Variants in MRTFA observed in about 807,000 individuals in gnomAD.
MRTFA encodes myocardin related transcription factor A, also known as myocardin-related transcription factor A.
MRTFA carries 20 observed loss-of-function variants against 83.5 expected under a neutral mutation model. That is an observed-to-expected ratio of 0.24 (90% CI 0.17 to 0.35). The LOEUF (loss-of-function observed/expected upper bound fraction) is 0.35. Ranked by LOEUF, MRTFA falls within the 10% of genes least tolerant of loss-of-function variation. The pLI, the probability that MRTFA is intolerant of heterozygous loss-of-function variation, is 1.00. For missense variants in MRTFA, 1,200 were observed against 1,224.7 expected (o/e 0.98, Z 0.30); for synonymous variants, 659 against 541.2 (o/e 1.22, Z -3.02).
At chr22:40,441,134 G>T (rs1223937333) in intron 4 of MRTFA, among the ~76,000 whole-genome samples, 2 of 152,230 alleles carry the variant, frequency 1.3e-5, no homozygotes, top group African/African-American at 4.8e-5. Flanking sequence ...CAATATCAGA[G>T]GGTAGTTCTC....
Position 40,511,802 on chromosome 22 carries a change from A to C in MRTFA, c.241+40304T>G, listed in dbSNP as rs370584651. Among the ~76,000 whole-genome samples, 155 of 152,342 alleles carry C rather than the reference A, an allele frequency of 1.0e-3. 3 individuals are homozygous for C. The Middle Eastern group carries it at 0.01, about 10-fold the overall frequency. Reference sequence around the variant, plus strand: ...GCAGCAGTGGCAGAGAAGGTCCAGCAAGCAGTGCTAGAGAGAGTCCTCAGC... The same window carrying C: ...GCAGCAGTGGCAGAGAAGGTCCAGCCAGCAGTGCTAGAGAGAGTCCTCAGC... On this transcript the variant is annotated intron_variant, in intron 3 of 14. Coordinates refer to ENST00000355630, the MANE Select transcript of MRTFA (RefSeq NM_020831.6).
Position 40,632,187 on chromosome 22 carries a change from C to T in MRTFA, c.-84+4291G>A, listed in dbSNP as rs139092242. 1.6e-3 allele frequency among the ~76,000 whole-genome samples: 249 copies of T among 152,332 alleles called. 1 individual carries two copies. Among genetic ancestry groups the T allele is most frequent in the African/African-American group, 5.6e-3 (233 of 41,584 alleles). ...AGGAATTGAGATCTCCCACCAACAGCCTGCACCAACCTGCCAGCAATATGA... is the reference window on the plus strand; with the variant it reads ...AGGAATTGAGATCTCCCACCAACAGTCTGCACCAACCTGCCAGCAATATGA... On this transcript the variant is annotated intron_variant, in intron 1 of 14. Coordinates refer to ENST00000355630, the MANE Select transcript of MRTFA (RefSeq NM_020831.6).
intron 9 of MRTFA, 104 bp downstream of exon 9, chr22:40,423,432 A>G (rs923308988): frequency 1.8e-6 from 2 of 1,089,510 alleles, no homozygotes; most frequent in African/African-American, 3.2e-5. Flanking sequence ...GGGAGAAGAC[A>G]CGCACCACAC....
chr22:40,629,988 A>G (rs983791525), intron 1 of MRTFA, among the ~76,000 whole-genome samples: 4 of 151,892 alleles, frequency 2.6e-5, no homozygotes, highest in African/African-American at 9.7e-5. Context: ...GCTGAGTTTG[A>G]GGGACAAGGT....
chr22:40,533,067 T>C (rs149568471), intron 3 of MRTFA, among the ~76,000 whole-genome samples: 1 of 152,342 alleles, frequency 6.6e-6, no homozygotes, highest in East Asian at 1.9e-4. Flanking sequence ...ACTGACTCTT[T>C]GCTCAAACTT....
chr22:40,547,108 C>CT (rs1258163612), intron 3 of MRTFA, among the ~76,000 whole-genome samples: 1 of 151,922 alleles, frequency 6.6e-6, no homozygotes, highest in African/African-American at 2.4e-5. Flanking sequence ...TGAGCCGAGA[C>CT]TGTGCCACTG....
intron 11 of MRTFA, 31 bp from the exon 12 acceptor site, chr22:40,419,415 G>C (rs1417129011): frequency 1.9e-6 from 3 of 1,603,492 alleles, no homozygotes; most frequent in Admixed American, 1.7e-5. Flanking sequence ...AGGGAGGCCA[G>C]GGGCAGCTGG....
chr22:40,456,761 AC>A (rs1454662008), intron 4 of MRTFA, among the ~76,000 whole-genome samples: 2 of 152,160 alleles, frequency 1.3e-5, no homozygotes, highest in African/African-American at 4.8e-5. Flanking sequence ...CATTACTGTT[AC>A]TGTATCGGCT....
chr22:40,449,734 A>G (rs188653569), intron 4 of MRTFA, among the ~76,000 whole-genome samples: 338 of 152,350 alleles, frequency 2.2e-3, no homozygotes, highest in South Asian at 0.017. Context: ...CAAAATGTCA[A>G]TTCTGTTGGC....
At chr22:40,449,260 C>T (rs912233706) in intron 4 of MRTFA, among the ~76,000 whole-genome samples, 12 of 139,454 alleles carry the variant, frequency 8.6e-5, no homozygotes, top group African/African-American at 2.4e-4. Context: ...GAACGAGACT[C>T]GGTCTCCAAA....
intron 4 of MRTFA, among the ~76,000 whole-genome samples, chr22:40,459,792 C>T (rs1403294218): frequency 5.6e-5 from 6 of 106,770 alleles, no homozygotes; most frequent in African/African-American, 1.2e-4. Flanking sequence ...TACACACACA[C>T]ACACACACAC....
At chr22:40,540,520 T>G (rs189540312) in intron 3 of MRTFA, among the ~76,000 whole-genome samples, 1 of 152,080 alleles carries the variant, frequency 6.6e-6, no homozygotes, top group Non-Finnish European at 1.5e-5. Context: ...GGCAGCGCGG[T>G]GGCTCAAACC....
chr22:40,601,464 C>G (rs771389235), intron 1 of MRTFA, among the ~76,000 whole-genome samples: 1 of 152,192 alleles, frequency 6.6e-6, no homozygotes, highest in African/African-American at 2.4e-5. Context: ...CTGCCTTGAC[C>G]TCCTAAAGTG....
intron 12 of MRTFA, 35 bp from the exon 13 acceptor site, chr22:40,417,528 G>A (rs1002102684): frequency 1.5e-6 from 2 of 1,363,434 alleles, no homozygotes; most frequent in African/African-American, 1.5e-5. Context: ...CCAGTGGCCA[G>A]GGGGCTGGGG....
intron 8 of MRTFA, among the ~76,000 whole-genome samples, chr22:40,423,945 C>T (rs1385705042): frequency 6.6e-6 from 1 of 152,192 alleles, no homozygotes; most frequent in Non-Finnish European, 1.5e-5. Flanking sequence ...ACAGACTGGG[C>T]CAGTGACGTT....
intron 2 of MRTFA, chr22:40,586,629 TC>T (rs1275358195): frequency 1.1e-5 from 2 of 181,310 alleles, no homozygotes; most frequent in Non-Finnish European, 2.3e-5. Context: ...ACTGTTTTTT[TC>T]ACTGATCAGG....
At chr22:40,565,698 G>C (rs1246283939) in intron 2 of MRTFA, among the ~76,000 whole-genome samples, 1 of 152,192 alleles carries the variant, frequency 6.6e-6, no homozygotes, top group Non-Finnish European at 1.5e-5. Context: ...TATAGTGGGA[G>C]AGACATAAAA....
At chr22:40,519,337 G>C (rs1040510686) in intron 3 of MRTFA, 1 of 1,032,620 alleles carries the variant, frequency 9.7e-7, no homozygotes, top group African/African-American at 1.6e-5. Context: ...TTCTCACTTA[G>C]AGACTACCCT....
Position 40,453,377 on chromosome 22 carries a change from G to A in MRTFA, c.307+9844C>T, listed in dbSNP as rs542200406. 5.9e-5 allele frequency among the ~76,000 whole-genome samples: 9 copies of A among 152,302 alleles called. No homozygotes were observed. In the East Asian group the frequency reaches 1.2e-3, roughly 20 times the overall value. ...CCTGCAACTGAGCTCTGACGGAAGC[G>A]GGAGTCCGAGGGCACTGACCGGACT... is the stretch of plus-strand genomic sequence containing the variant. On this transcript the variant is annotated intron_variant, in intron 4 of 14. Coordinates refer to ENST00000355630, the MANE Select transcript of MRTFA (RefSeq NM_020831.6).
Sources: gnomAD v4.1 joint callset for allele counts (sites outside exome capture counted in the v4.1 genomes callset) on GRCh38, gnomAD v4.1.1 for gene constraint, MANE v1.5 for transcripts, NCBI Gene and HGNC (gene_info 2026-07-23, HGNC 2026-07-21) for gene names.